DNAH14: variants seen among roughly 807,000 people sequenced by gnomAD.
The protein encoded by DNAH14 is dynein axonemal heavy chain 14.
DNAH14 carries 478 observed loss-of-function variants against 520.9 expected under a neutral mutation model. That is an observed-to-expected ratio of 0.92 (90% CI 0.85 to 0.99). DNAH14 has a LOEUF of 0.99. DNAH14 is among the 50% of genes least tolerant of loss of function. The pLI is 0.00. For synonymous variants in DNAH14, 1,581 were observed against 1,757.2 expected (o/e 0.90, Z 2.51); for missense variants, 4,831 against 5,234.5 (o/e 0.92, Z 2.38).
rs2094970024 is a variant in DNAH14, at chr1:225,335,636, TGCATATATGTATATAC to T, written c.10081-1621_10081-1606del. Among the ~76,000 whole-genome samples the T allele has an allele frequency of 2.2e-5, 3 of 135,598 alleles. 1 individual carries two copies. The highest frequency in any genetic ancestry group is 3.1e-5 in the Non-Finnish European group (2 of 63,526). 89.0% of individuals were successfully genotyped at this position (135,598 alleles called of 152,430 possible). A position where few individuals can be genotyped will look rare whatever the true frequency, so the allele number is the denominator to read the frequency against. The stretch of plus-strand genomic sequence containing the variant: ...GTGTATATACGCATATATACATATG[TGCATATATGTATATAC>T]GCATATATACATATGTGCATATATG... On this transcript the variant is annotated intron_variant, in intron 66 of 85. Coordinates refer to ENST00000682510, the MANE Select transcript of DNAH14 (RefSeq NM_001367479.1).
chr1:225,354,364 T>A, intron 73 of DNAH14: 1 of 654,364 alleles, frequency 1.5e-6, no homozygotes, highest in Non-Finnish European at 2.8e-6. Flanking sequence ...TTATTATTAA[T>A]AAAAGGATAT....
chr1:225,013,200 G>A (rs1248495129), intron 10 of DNAH14, among the ~76,000 whole-genome samples: 1 of 152,000 alleles, frequency 6.6e-6, no homozygotes, highest in African/African-American at 2.4e-5. Flanking sequence ...CTGTTTGTTA[G>A]TTTTGCTTCT....
chr1:225,169,375 G>T (rs113461518), intron 36 of DNAH14, among the ~76,000 whole-genome samples: 19,443 of 152,108 alleles, frequency 0.13, 1,397 homozygotes, highest in East Asian at 0.31. Flanking sequence ...TCAAACCCAT[G>T]GCAAAGAAGT....
At position 225,332,002 on chromosome 1, in the gene DNAH14, A is replaced by G. The variant is rs532132850; in HGVS notation, c.9864+425A>G. On this transcript the variant is annotated intron_variant, in intron 65 of 85. Coordinates refer to ENST00000682510, the MANE Select transcript of DNAH14 (RefSeq NM_001367479.1). ...TTAAGTGAAAGTAAGTTTATTAAGA[A>G]AGTAAAGGAATAAAGAATGGCTACT... Among the ~76,000 whole-genome samples the G allele has an allele frequency of 2.6e-5, 4 of 152,256 alleles. No homozygotes were observed. In the East Asian group the frequency reaches 7.7e-4, roughly 29 times the overall value.
chr1:225,096,931 C>T (rs1369401653), intron 21 of DNAH14, among the ~76,000 whole-genome samples, 187 bp from the exon 22 acceptor site: 1 of 152,096 alleles, frequency 6.6e-6, no homozygotes, highest in Non-Finnish European at 1.5e-5. Flanking sequence ...AATGGATGAA[C>T]AGGACATCTT....
intron 1 of DNAH14, among the ~76,000 whole-genome samples, chr1:224,948,542 A>G (rs991603608): frequency 6.6e-6 from 1 of 151,926 alleles, no homozygotes; most frequent in African/African-American, 2.4e-5. Flanking sequence ...TAGATAATTT[A>G]GTTCATTTAT....
In DNAH14 at chr1:225,377,218, C is replaced by A; in HGVS notation, c.12517-19C>A. On this transcript the variant is annotated intron_variant, in intron 78 of 85. Coordinates refer to ENST00000682510, the MANE Select transcript of DNAH14 (RefSeq NM_001367479.1). ...TAGCAGGATTGAAGAAAAAAGCTAA[C>A]AAAATGTTAAATTTTCAGATATGTC... 1.5e-6 allele frequency: 2 copies of A among 1,369,766 alleles called. No individual in the cohort carries two copies. The highest frequency in any genetic ancestry group is 1.9e-5 in the South Asian group (1 of 52,280). The allele number at this position is 1,369,766 out of a possible 1,614,324, so 84.9% of individuals were successfully genotyped here.
intron 84 of DNAH14, among the ~76,000 whole-genome samples, chr1:225,393,274 T>C (rs949113409): frequency 3.0e-4 from 45 of 152,196 alleles, no homozygotes; most frequent in African/African-American, 1.0e-3. Flanking sequence ...AGTACAATCA[T>C]GTACCACTTA....
In DNAH14 at chr1:225,338,192, CA is replaced by C; in HGVS notation, c.10433+11del. 1 of 1,551,578 alleles carries C rather than the reference CA, an allele frequency of 6.4e-7. No homozygotes were observed. The highest frequency in any genetic ancestry group is 1.2e-5 in the South Asian group (1 of 83,946). On this transcript the variant is annotated intron_variant, in intron 68 of 85. Transcript: ENST00000682510. The stretch of plus-strand genomic sequence containing the variant: ...ACAATTCAAATTTTAGGTAATGTGC[CA>C]CAGCTAAATTGAGTCAAATGTCTAT...
At chr1:225,213,781 T>A (rs2088834847) in intron 41 of DNAH14, among the ~76,000 whole-genome samples, 1 of 152,244 alleles carries the variant, frequency 6.6e-6, no homozygotes, top group African/African-American at 2.4e-5. Context: ...TTGCTGAAGT[T>A]GCATATCAGC....
At chr1:225,021,078 G>A (rs537335953) in intron 10 of DNAH14, among the ~76,000 whole-genome samples, 1 of 152,282 alleles carries the variant, frequency 6.6e-6, no homozygotes, top group African/African-American at 2.4e-5. Context: ...TGCAGGAAAT[G>A]CTTTTGATAA....
intron 55 of DNAH14, among the ~76,000 whole-genome samples, chr1:225,296,968 T>C (rs998434974): frequency 2.0e-5 from 3 of 152,192 alleles, no homozygotes; most frequent in Admixed American, 2.0e-4. Flanking sequence ...TAGGCTTTTT[T>C]GGGGTTGAAT....
At chr1:225,286,118 A>G (rs2093735788) in intron 54 of DNAH14, among the ~76,000 whole-genome samples, 1 of 152,224 alleles carries the variant, frequency 6.6e-6, no homozygotes, top group East Asian at 1.9e-4. Context: ...TCACAGAAGT[A>G]GAGAGTAGAA....
chr1:225,268,588 C>A (rs1454501606), intron 49 of DNAH14, among the ~76,000 whole-genome samples: 1 of 152,214 alleles, frequency 6.6e-6, no homozygotes, highest in Non-Finnish European at 1.5e-5. Context: ...CCCATCGTCT[C>A]AGCCCAAAAT....
chr1:225,137,040 C>A (rs768541923), intron 27 of DNAH14, among the ~76,000 whole-genome samples: 1 of 152,176 alleles, frequency 6.6e-6, no homozygotes, highest in African/African-American at 2.4e-5. Flanking sequence ...TTCTGGCTAT[C>A]AGCTCCTGCA....
chr1:225,286,780 G>T (rs1341245645), intron 54 of DNAH14, among the ~76,000 whole-genome samples: 1 of 152,182 alleles, frequency 6.6e-6, no homozygotes, highest in Admixed American at 6.5e-5. Context: ...GCACAGGAAT[G>T]ATTATAGCAA....
At chr1:225,305,453 G>A (rs923283401) in intron 58 of DNAH14, among the ~76,000 whole-genome samples, 5 of 152,174 alleles carry the variant, frequency 3.3e-5, no homozygotes, top group African/African-American at 1.2e-4. Context: ...AACGCAGATA[G>A]TGGAACACCT....
At chr1:225,182,611 C>T (rs2084171734) in intron 36 of DNAH14, among the ~76,000 whole-genome samples, 2 of 152,092 alleles carry the variant, frequency 1.3e-5, no homozygotes, top group Admixed American at 1.3e-4. Flanking sequence ...CTACACTAGC[C>T]CTACCCCAAC....
At chr1:225,351,478 A>G (rs923311741) in intron 71 of DNAH14, among the ~76,000 whole-genome samples, 169 bp from the exon 72 acceptor site, 2 of 152,330 alleles carry the variant, frequency 1.3e-5, no homozygotes, top group South Asian at 2.1e-4. Context: ...TAATTTTTAT[A>G]TAAAGTAGCT....
Sources: allele counts gnomAD v4.1 joint callset (sites outside exome capture counted in the v4.1 genomes callset), GRCh38; gene constraint gnomAD v4.1.1; transcripts MANE v1.5; gene names NCBI Gene and HGNC (gene_info 2026-07-23, HGNC 2026-07-21).